SGIP1: variants seen among roughly 807,000 people sequenced by gnomAD.
The protein encoded by SGIP1 is SH3-containing GRB2-like protein 3-interacting protein 1.
Under a neutral mutation model 107.5 loss-of-function variants are expected in SGIP1, and 38 were observed. That is an observed-to-expected ratio of 0.35 (90% confidence interval 0.27 to 0.46). The LOEUF is 0.46. SGIP1 is among the 20% of genes least tolerant of loss of function. The pLI is 1.00. For missense variants in SGIP1, 929 were observed against 1,019.5 expected (o/e 0.91, Z 1.21); for synonymous variants, 365 against 366.1 (o/e 1.00, Z 0.03).
intron 19 of SGIP1, among the ~76,000 whole-genome samples, chr1:66,727,643 A>C (rs2093817877): frequency 6.6e-6 from 1 of 152,250 alleles, no homozygotes; most frequent in Non-Finnish European, 1.5e-5. Context: ...GTTCTTCAGT[A>C]GGTGAATGTA....
At chr1:66,640,986 G>A (rs759889220) in intron 5 of SGIP1, among the ~76,000 whole-genome samples, 3 of 152,120 alleles carry the variant, frequency 2.0e-5, no homozygotes, top group Non-Finnish European at 4.4e-5. Flanking sequence ...AGTGAGCTGA[G>A]ATCGCACCAC....
At chr1:66,720,463 C>G (rs2093472936) in intron 19 of SGIP1, among the ~76,000 whole-genome samples, 1 of 152,124 alleles carries the variant, frequency 6.6e-6, no homozygotes, top group African/African-American at 2.4e-5. Context: ...CATGGTGGCT[C>G]ACACCTGTAA....
chr1:66,572,911 C>T (rs918801523), intron 1 of SGIP1, among the ~76,000 whole-genome samples: 37 of 152,046 alleles, frequency 2.4e-4, no homozygotes, highest in African/African-American at 7.2e-4. Context: ...CATATTATAA[C>T]AGGGTAAGCC....
intron 2 of SGIP1, among the ~76,000 whole-genome samples, chr1:66,630,601 G>A (rs2074063545): frequency 6.6e-6 from 1 of 151,700 alleles, no homozygotes; most frequent in East Asian, 2.0e-4. Flanking sequence ...GATGTCAAGA[G>A]TTTGAGACCA....
intron 18 of SGIP1, among the ~76,000 whole-genome samples, chr1:66,702,710 G>C (rs1480066781): frequency 6.6e-6 from 1 of 152,108 alleles, no homozygotes; most frequent in Non-Finnish European, 1.5e-5. Context: ...CAGACTCACT[G>C]ATAATGTAGT....
intron 1 of SGIP1, among the ~76,000 whole-genome samples, chr1:66,573,066 ATGGGGAGAGACTTCTAAT>A (rs1230817743): frequency 6.6e-6 from 1 of 151,942 alleles, no homozygotes; most frequent in East Asian, 1.9e-4. Context: ...TTGGGGGGAA[ATGGGGAGAGACTTCTAAT>A]TGGTGTAGGG....
intron 12 of SGIP1, among the ~76,000 whole-genome samples, chr1:66,675,318 G>A (rs1286082963): frequency 6.6e-6 from 1 of 152,080 alleles, no homozygotes; most frequent in African/African-American, 2.4e-5. Context: ...GAGGCTTGTG[G>A]TGGGGAGGAG....
At chr1:66,675,872 G>GA in intron 12 of SGIP1, among the ~76,000 whole-genome samples, 1 of 151,870 alleles carries the variant, frequency 6.6e-6, no homozygotes, top group East Asian at 1.9e-4. Context: ...ATGGTCTGGG[G>GA]AAAAAATATG....
chr1:66,653,782 A>G (rs1226793601), intron 7 of SGIP1, among the ~76,000 whole-genome samples: 1 of 152,230 alleles, frequency 6.6e-6, no homozygotes, highest in African/African-American at 2.4e-5. Flanking sequence ...GCAATCAAAA[A>G]ACGCTAACTT....
In SGIP1 at chr1:66,742,439, T is replaced by G. The variant is rs1357434220; in HGVS notation, c.2465-634T>G. On this transcript the variant is annotated intron_variant, in intron 24 of 24. Coordinates refer to ENST00000371037, the MANE Select transcript of SGIP1 (RefSeq NM_032291.4). ...CTCAAAAATGATCCAAATTGGAATATAAGTTATATGAGCACCCTTTCTTTT... is the reference window on the plus strand; with the variant it reads ...CTCAAAAATGATCCAAATTGGAATAGAAGTTATATGAGCACCCTTTCTTTT... 2.1e-5 allele frequency among the ~76,000 whole-genome samples: 3 copies of G among 145,226 alleles called. No homozygotes were observed. In the East Asian group the frequency reaches 6.0e-4, roughly 29 times the overall value.
At chr1:66,540,190 C>T (rs1161479133) in intron 1 of SGIP1, among the ~76,000 whole-genome samples, 5 of 151,480 alleles carry the variant, frequency 3.3e-5, no homozygotes, top group Admixed American at 2.6e-4. Flanking sequence ...CAATATTCTG[C>T]AGTGATAAAT....
At position 66,588,638 on chromosome 1, in the gene SGIP1, C is replaced by CTTTTTTTTTTTTTTTT. The variant is rs35096597; in HGVS notation, c.11-37203_11-37188dup. On this transcript the variant is annotated intron_variant, in intron 1 of 24. Transcript: ENST00000371037. ...AATTTTTCACTCTTTCTAGTTAGTT[C>CTTTTTTTTTTTTTTTT]TTTTTTTTTTTTTTTTTTTTTGCAT... Among the ~76,000 whole-genome samples, 21 of 98,660 alleles carry CTTTTTTTTTTTTTTTT rather than the reference C, an allele frequency of 2.1e-4. 1 individual carries two copies. The highest frequency in any genetic ancestry group is 3.3e-4 in the Non-Finnish European group (16 of 48,992). 64.7% of individuals were successfully genotyped at this position (98,660 alleles called of 152,430 possible). A position where few individuals can be genotyped will look rare whatever the true frequency, so the allele number is the denominator to read the frequency against.
intron 1 of SGIP1, among the ~76,000 whole-genome samples, chr1:66,563,903 G>A (rs1470142104): frequency 6.6e-6 from 1 of 151,946 alleles, no homozygotes; most frequent in Non-Finnish European, 1.5e-5. Context: ...CTTACTGTTA[G>A]GGGCAAATTG....
intron 11 of SGIP1, among the ~76,000 whole-genome samples, chr1:66,672,317 T>C (rs1387413692): frequency 3.3e-5 from 5 of 152,178 alleles, no homozygotes; most frequent in Admixed American, 6.6e-5. Context: ...AATATCATTA[T>C]ATTACCCTAC....
chr1:66,541,733 A>G (rs554413780), intron 1 of SGIP1, among the ~76,000 whole-genome samples: 1 of 152,284 alleles, frequency 6.6e-6, no homozygotes, highest in East Asian at 1.9e-4. Context: ...CAAACAATTT[A>G]AGGAGGAAAA....
intron 7 of SGIP1, among the ~76,000 whole-genome samples, chr1:66,651,354 G>A (rs1337602718): frequency 1.3e-5 from 2 of 151,990 alleles, no homozygotes; most frequent in Non-Finnish European, 2.9e-5. Context: ...GACATTGAGG[G>A]ATTTATTATC....
chr1:66,539,031 C>T (rs1158020756), intron 1 of SGIP1, among the ~76,000 whole-genome samples: 1 of 152,090 alleles, frequency 6.6e-6, no homozygotes, highest in Non-Finnish European at 1.5e-5. Flanking sequence ...TTTCTCAATT[C>T]AATTTTATCA....
In SGIP1 at chr1:66,637,455, T is replaced by A. The variant is rs67621132; in HGVS notation, c.171+1440T>A. Among the ~76,000 whole-genome samples the A allele has an allele frequency of 2.7e-3, 102 of 38,476 alleles. 2 individuals are homozygous for A. Among genetic ancestry groups the A allele is most frequent in the African/African-American group, 0.016 (92 of 5,666 alleles). The allele number at this position is 38,476 out of a possible 152,430, so 25.2% of individuals were successfully genotyped here. ...CTAATAAAGCCGTGTGTGTGTGTGT[T>A]TGTGTGTGTGTGTGTGTGTGTGTGT... On this transcript the variant is annotated intron_variant, in intron 4 of 24. Coordinates refer to ENST00000371037, the MANE Select transcript of SGIP1 (RefSeq NM_032291.4).
intron 22 of SGIP1, 72 bp from the exon 23 acceptor site, chr1:66,740,586 G>GA (rs999084599): frequency 1.8e-4 from 170 of 933,220 alleles, no homozygotes; most frequent in Middle Eastern, 4.6e-4. Context: ...ATACTATCTG[G>GA]AAAAAAAACA....
Sources: allele counts gnomAD v4.1 joint callset (sites outside exome capture counted in the v4.1 genomes callset), GRCh38; gene constraint gnomAD v4.1.1; transcripts MANE v1.5; gene names NCBI Gene and HGNC (gene_info 2026-07-23, HGNC 2026-07-21).